The following COLEC12 variants were observed in gnomAD, a reference collection of about 807,000 sequenced individuals.
The protein encoded by COLEC12 is collectin-12.
A neutral mutation model predicts 71.1 loss-of-function variants in COLEC12; 33 were observed. That is an observed-to-expected ratio of 0.46 (90% confidence interval 0.35 to 0.62). The LOEUF is 0.62. Among genes scored for constraint, COLEC12 ranks in the 20% least tolerant of loss-of-function variants. The pLI is 0.00. For missense variants in COLEC12, 765 were observed against 916.1 expected, an observed-to-expected ratio of 0.84 and a Z score of 2.13; for synonymous variants, 350 against 353.0, an observed-to-expected ratio of 0.99 and a Z score of 0.10.
At chr18:425,090 C>A (rs1313349868) in intron 2 of COLEC12, among the ~76,000 whole-genome samples, 1 of 152,232 alleles carries the variant, frequency 6.6e-6, no homozygotes, top group African/African-American at 2.4e-5. Context: ...TGTAACCTCT[C>A]AGACTGGGAG....
intron 2 of COLEC12, among the ~76,000 whole-genome samples, chr18:425,335 G>A (rs1376541705): frequency 1.3e-5 from 2 of 152,142 alleles, no homozygotes; most frequent in African/African-American, 2.4e-5. Context: ...TCCAGGCTGG[G>A]CAGCTGCCCC....
intron 2 of COLEC12, among the ~76,000 whole-genome samples, chr18:397,855 G>A (rs912465534): frequency 6.6e-6 from 1 of 152,162 alleles, no homozygotes; most frequent in East Asian, 1.9e-4. Context: ...GGTTAAAATC[G>A]TGTCACCCAG....
intron 2 of COLEC12, among the ~76,000 whole-genome samples, chr18:363,909 C>A (rs1598339386): frequency 6.6e-6 from 1 of 152,126 alleles, no homozygotes; most frequent in Non-Finnish European, 1.5e-5. Context: ...ATGTGGATAG[C>A]CATGAAAACG....
intron 2 of COLEC12, among the ~76,000 whole-genome samples, chr18:363,412 T>C (rs1914790525): frequency 6.6e-6 from 1 of 152,164 alleles, no homozygotes; most frequent in South Asian, 2.1e-4. Flanking sequence ...TGTCTATAGC[T>C]CAGTGGTGTT....
Position 359,061 on chromosome 18 carries a change from C to G in COLEC12, c.59-1539G>C, listed in dbSNP as rs564911613. Among the ~76,000 whole-genome samples, 8 of 152,258 alleles carry G rather than the reference C, an allele frequency of 5.3e-5. No individual in the cohort carries two copies. In the South Asian group the frequency reaches 1.7e-3, roughly 32 times the overall value. ...TTTAAACATTCAAATTTACTTATTT[C>G]AGACACTGTTAGGCCTACAGCAATT... On this transcript the variant is annotated intron_variant, in intron 2 of 9. Coordinates refer to ENST00000400256, the MANE Select transcript of COLEC12 (RefSeq NM_130386.3).
rs1740004042 is a variant in COLEC12 at position 492,938 on chromosome 18, T to A, written c.7+7570A>T. ...GAGATTTCAGGTCAGGCACGGTGGC[T>A]CATGCCTGTAATCCCAGCACTTTGG... On this transcript the variant is annotated intron_variant, in intron 1 of 9. Coordinates refer to ENST00000400256, the MANE Select transcript of COLEC12 (RefSeq NM_130386.3). Among the ~76,000 whole-genome samples, 4 of 152,176 alleles carry A rather than the reference T, an allele frequency of 2.6e-5. No homozygotes were observed. The South Asian group carries it at 8.3e-4, about 32-fold the overall frequency.
rs1913709210 is a variant in COLEC12, at chr18:321,715, T to C, written c.2156A>G (p.Asp719Gly). The change falls in exon 9 of 10, where the codon GAT (aspartate) becomes GGT (glycine). Residue 719 changes from aspartate to glycine, a missense_variant. Coordinates refer to ENST00000400256, the MANE Select transcript of COLEC12 (RefSeq NM_130386.3). The part of the protein sequence containing the change: ...AGLIYAGQWN[D>G]FQCEDVNNFI... The stretch of plus-strand genomic sequence containing the variant: ...GTTATTGACGTCTTCACATTGGAAA[T>C]CGTTCCACTGCCCAGCATAAATCAA... 1 of 1,614,116 alleles carries C rather than the reference T, an allele frequency of 6.2e-7. No individual in the cohort carries two copies. The highest frequency in any genetic ancestry group is 1.7e-5 in the Admixed American group (1 of 60,010).
At chr18:390,420 G>A (rs1212275467) in intron 2 of COLEC12, among the ~76,000 whole-genome samples, 1 of 152,126 alleles carries the variant, frequency 6.6e-6, no homozygotes, top group Non-Finnish European at 1.5e-5. Context: ...CAGTTCAATG[G>A]GCTAAGGATC....
intron 2 of COLEC12, among the ~76,000 whole-genome samples, chr18:463,564 C>A (rs935009348): frequency 2.0e-5 from 3 of 152,128 alleles, no homozygotes; most frequent in African/African-American, 7.2e-5. Flanking sequence ...GCTGGGAGTT[C>A]GCTGAGACTG....
intron 2 of COLEC12, among the ~76,000 whole-genome samples, chr18:418,440 C>T (rs1393258973): frequency 1.3e-5 from 2 of 152,162 alleles, no homozygotes; most frequent in Non-Finnish European, 2.9e-5. Context: ...CTGTCTCTGT[C>T]AGAGGCATGT....
At chr18:361,365 C>T (rs8085897) in intron 2 of COLEC12, among the ~76,000 whole-genome samples, 1 of 151,888 alleles carries the variant, frequency 6.6e-6, no homozygotes, top group Non-Finnish European at 1.5e-5. Flanking sequence ...CTCTCCATTT[C>T]CCCTGCCACC....
chr18:431,623 T>C (rs1916305818), intron 2 of COLEC12, among the ~76,000 whole-genome samples: 1 of 152,110 alleles, frequency 6.6e-6, no homozygotes, highest in Non-Finnish European at 1.5e-5. Context: ...AGCAAGGTAA[T>C]GAGTGTGACA....
Position 320,028 on chromosome 18 carries a change from G to T in COLEC12, c.*17C>A. 2 of 1,519,656 alleles carry T rather than the reference G, an allele frequency of 1.3e-6. No homozygotes were observed. The highest frequency in any genetic ancestry group is 1.8e-6 in the Non-Finnish European group (2 of 1,108,318). 94.1% of individuals were successfully genotyped at this position (1,519,656 alleles called of 1,614,324 possible). A position where few individuals can be genotyped will look rare whatever the true frequency, so the allele number is the denominator to read the frequency against. On this transcript the variant is annotated 3_prime_UTR_variant, in exon 10 of 10. Transcript: ENST00000400256. Reference sequence around the variant, plus strand: ...TTGAGAGCTGAAAATTTGCTCATGTGATCCCATCACAGTCCGTTATAATGC... The same window carrying T: ...TTGAGAGCTGAAAATTTGCTCATGTTATCCCATCACAGTCCGTTATAATGC...
At chr18:483,745 C>T (rs1206941393) in intron 1 of COLEC12, among the ~76,000 whole-genome samples, 2 of 152,202 alleles carry the variant, frequency 1.3e-5, no homozygotes, top group African/African-American at 4.8e-5. Flanking sequence ...GGTAATCTGT[C>T]GTGTTAATGG....
At chr18:461,778 C>T (rs2621172) in intron 2 of COLEC12, among the ~76,000 whole-genome samples, 120,027 of 152,038 alleles carry the variant, frequency 0.79, 47,614 homozygotes, top group East Asian at 0.99. Context: ...GCCACATTTT[C>T]GAGTACTCAG....
intron 8 of COLEC12, among the ~76,000 whole-genome samples, chr18:328,257 G>C (rs1913890902): frequency 1.3e-5 from 2 of 152,326 alleles, no homozygotes; most frequent in African/African-American, 4.8e-5. Context: ...AAAGGGAGGT[G>C]GATGGGCCAA....
chr18:466,381 C>T (rs1419428942), intron 2 of COLEC12, among the ~76,000 whole-genome samples: 1 of 152,162 alleles, frequency 6.6e-6, no homozygotes, highest in Non-Finnish European at 1.5e-5. Context: ...GGCCCTCCGC[C>T]TTCTCCCAAC....
At chr18:468,294 G>A (rs1917127699) in intron 2 of COLEC12, among the ~76,000 whole-genome samples, 1 of 150,494 alleles carries the variant, frequency 6.6e-6, no homozygotes, top group Non-Finnish European at 1.5e-5. Context: ...TGCAGTAGCA[G>A]AATAGATTCT....
At chr18:419,148 CTTCTATTCTATTCTA>C (rs57522856) in intron 2 of COLEC12, among the ~76,000 whole-genome samples, 19,354 of 145,404 alleles carry the variant, frequency 0.13, 1,446 homozygotes, top group Non-Finnish European at 0.16. Context: ...AGGCATCATA[CTTCTATTCTATTCTA>C]TTCTATTCTA....
Sources: allele counts gnomAD v4.1 joint callset (sites outside exome capture counted in the v4.1 genomes callset), GRCh38; gene constraint gnomAD v4.1.1; transcripts MANE v1.5; gene names NCBI Gene and HGNC (gene_info 2026-07-23, HGNC 2026-07-21).